SLC25A26: variants seen among roughly 807,000 people sequenced by gnomAD.
SLC25A26 encodes solute carrier family 25 member 26, also known as mitochondrial S-adenosylmethionine carrier protein.
Under a neutral mutation model 37.8 loss-of-function variants are expected in SLC25A26, and 36 were observed. That is an observed-to-expected ratio of 0.95 (90% confidence interval 0.73 to 1.26). The LOEUF is 1.26. Ranked by LOEUF, SLC25A26 falls within the 50% of genes most tolerant of loss-of-function variation. The pLI, the probability that SLC25A26 is intolerant of heterozygous loss-of-function variation, is 0.00. For missense variants in SLC25A26, 390 were observed against 331.1 expected (o/e 1.18, Z -1.38); for synonymous variants, 129 against 122.5 (o/e 1.05, Z -0.35).
At chr3:66,315,083 T>G (rs769614576) in intron 5 of SLC25A26, among the ~76,000 whole-genome samples, 1 of 83,962 alleles carries the variant, frequency 1.2e-5, no homozygotes, top group Non-Finnish European at 2.4e-5. Flanking sequence ...TTCTTTGATT[T>G]TTTTTTTTTT....
At chr3:66,264,459 A>G (rs1470316075) in intron 5 of SLC25A26, among the ~76,000 whole-genome samples, 4 of 152,180 alleles carry the variant, frequency 2.6e-5, no homozygotes, top group Non-Finnish European at 4.4e-5. Flanking sequence ...ACTGAGCCAC[A>G]CAGCAGGAGG....
intron 1 of SLC25A26, among the ~76,000 whole-genome samples, chr3:66,192,831 A>G (rs1314944851): frequency 6.6e-6 from 1 of 152,220 alleles, no homozygotes; most frequent in African/African-American, 2.4e-5. Flanking sequence ...CCTTTGGATA[A>G]TAAGACATAT....
chr3:66,146,491 CT>C (rs142356281), intron 1 of SLC25A26, among the ~76,000 whole-genome samples: 51,768 of 151,536 alleles, frequency 0.34, 9,060 homozygotes, highest in East Asian at 0.46. Flanking sequence ...TAAGATTCTG[CT>C]TTTTTTATAT....
chr3:66,252,213 A>G (rs782297152), intron 3 of SLC25A26, among the ~76,000 whole-genome samples: 6 of 152,154 alleles, frequency 3.9e-5, no homozygotes, highest in Non-Finnish European at 7.3e-5. Context: ...CCTTGTTAAG[A>G]TTAGGGTTCT....
intron 5 of SLC25A26, among the ~76,000 whole-genome samples, chr3:66,303,046 C>T (rs543268510): frequency 6.6e-6 from 1 of 152,104 alleles, no homozygotes; most frequent in East Asian, 1.9e-4. Context: ...CCAGGAGCAC[C>T]TCCCGTGAGT....
At chr3:66,292,327 ATGTGATCC>A (rs2074740668) in intron 5 of SLC25A26, among the ~76,000 whole-genome samples, 2 of 152,134 alleles carry the variant, frequency 1.3e-5, no homozygotes, top group South Asian at 4.1e-4. Flanking sequence ...TTATGTGTGA[ATGTGATCC>A]TGTTGTTACG....
chr3:66,270,560 G>T (rs1430729831), intron 5 of SLC25A26, among the ~76,000 whole-genome samples: 1 of 152,100 alleles, frequency 6.6e-6, no homozygotes, highest in Admixed American at 6.5e-5. Flanking sequence ...CTTTTTGATG[G>T]AAATATTAAA....
intron 5 of SLC25A26, among the ~76,000 whole-genome samples, chr3:66,288,233 T>C (rs768028646): frequency 9.2e-5 from 14 of 152,206 alleles, no homozygotes; most frequent in Admixed American, 3.9e-4. Flanking sequence ...TCCCTGTCTC[T>C]GAATGAGTTG....
intron 1 of SLC25A26, among the ~76,000 whole-genome samples, chr3:66,150,658 T>A: frequency 1.1e-5 from 1 of 92,882 alleles, no homozygotes; most frequent in Admixed American, 1.3e-4. Flanking sequence ...ATATATATCA[T>A]GGCACTTGGA....
chr3:66,295,169 T>C (rs1179105305), intron 5 of SLC25A26, among the ~76,000 whole-genome samples: 1 of 152,144 alleles, frequency 6.6e-6, no homozygotes, highest in Non-Finnish European at 1.5e-5. Flanking sequence ...TCTTGAGGCA[T>C]TATTCAGTAT....
chr3:66,211,152 T>G (rs2071279673), intron 1 of SLC25A26, among the ~76,000 whole-genome samples: 1 of 152,160 alleles, frequency 6.6e-6, no homozygotes, highest in African/African-American at 2.4e-5. Flanking sequence ...TTACAAGAGA[T>G]CCTTGAACTC....
chr3:66,365,102 T>G (rs939377814), intron 7 of SLC25A26, among the ~76,000 whole-genome samples: 1 of 152,218 alleles, frequency 6.6e-6, no homozygotes, highest in African/African-American at 2.4e-5. Flanking sequence ...TGCAACATGG[T>G]GCCTTACAGC....
chr3:66,286,629 C>G (rs536014081), intron 5 of SLC25A26, among the ~76,000 whole-genome samples: 2 of 152,234 alleles, frequency 1.3e-5, no homozygotes, highest in African/African-American at 4.8e-5. Context: ...ATATCCCAGT[C>G]TTGAAAGATG....
Position 66,263,689 on chromosome 3 carries a change from C to T in SLC25A26, c.453+310C>T, listed in dbSNP as rs6770372. ...TGTTTGTTTTTTTGAAATGCAGTCT[C>T]GCTCTGTCACCCAGGCTGGCGTGCA... On this transcript the variant is annotated intron_variant, in intron 5 of 9. Coordinates refer to ENST00000354883, the MANE Select transcript of SLC25A26 (RefSeq NM_001379210.1). Among the ~76,000 whole-genome samples the T allele has an allele frequency of 0.031, 4,689 of 152,026 alleles. 242 individuals are homozygous for T. The highest frequency in any genetic ancestry group is 0.11 in the African/African-American group (4,418 of 41,448).
intron 5 of SLC25A26, among the ~76,000 whole-genome samples, chr3:66,300,425 TG>T (rs1246488386): frequency 2.8e-4 from 42 of 152,242 alleles, no homozygotes; most frequent in African/African-American, 9.9e-4. Flanking sequence ...AGGAAATAAT[TG>T]AATTAGCCAC....
At chr3:66,281,698 T>G (rs536635670) in intron 5 of SLC25A26, among the ~76,000 whole-genome samples, 8 of 152,204 alleles carry the variant, frequency 5.3e-5, no homozygotes, top group Non-Finnish European at 1.2e-4. Flanking sequence ...ATTCTTTTTT[T>G]GTTCGGTAAT....
At chr3:66,241,957 A>C (rs1231254817) in intron 2 of SLC25A26, among the ~76,000 whole-genome samples, 2 of 151,878 alleles carry the variant, frequency 1.3e-5, no homozygotes, top group East Asian at 3.9e-4. Flanking sequence ...GGCATCAGCT[A>C]GCCCAGCCCC....
chr3:66,294,631 A>G (rs930551207), intron 5 of SLC25A26, among the ~76,000 whole-genome samples: 4 of 152,212 alleles, frequency 2.6e-5, no homozygotes, highest in Admixed American at 2.0e-4. Flanking sequence ...GCTCTGTGTG[A>G]TGTTCTCATA....
At chr3:66,366,586 A>G (rs1181712539) in intron 7 of SLC25A26, among the ~76,000 whole-genome samples, 1 of 152,198 alleles carries the variant, frequency 6.6e-6, no homozygotes, top group Admixed American at 6.5e-5. Context: ...TAAATCTCCA[A>G]GAGAATATTG....
Sources: gnomAD v4.1 joint callset for allele counts (sites outside exome capture counted in the v4.1 genomes callset) on GRCh38, gnomAD v4.1.1 for gene constraint, MANE v1.5 for transcripts, NCBI Gene and HGNC (gene_info 2026-07-23, HGNC 2026-07-21) for gene names.